GPR132: variants seen among roughly 807,000 people sequenced by gnomAD.
GPR132 encodes G protein-coupled receptor 132.
Under a neutral mutation model 1.9 loss-of-function variants are expected in GPR132, and 4 were observed. The ratio of observed to expected loss-of-function variants is 2.13; its 90% CI spans 1.05 to 4.87. GPR132 has a LOEUF of 4.87. Among genes scored for constraint, GPR132 ranks in the 30% most tolerant of loss-of-function variants. GPR132 has a pLI of 0.01. For synonymous variants in GPR132, 233 were observed against 234.2 expected (o/e 0.99, Z 0.05); for missense variants, 404 against 512.5 (o/e 0.79, Z 2.04).
rs1886609782 is a variant in GPR132 at position 105,050,705 on chromosome 14, C to A, written c.*289G>T. On this transcript the variant is annotated 3_prime_UTR_variant, in exon 4 of 4. Transcript: ENST00000329797. This position sits in a 1 kb window ranked among gnomAD's most constrained non-coding sequence, Gnocchi z 4.0. Reference sequence around the variant, plus strand: ...AGCAGGCGTGCTACCTGCCCACAGCCAAGGGAGCCAGCCAGGCAGGCTGCT... The same window carrying A: ...AGCAGGCGTGCTACCTGCCCACAGCAAAGGGAGCCAGCCAGGCAGGCTGCT... 4.1e-6 allele frequency: 2 copies of A among 491,036 alleles called. No homozygotes were observed. The highest frequency in any genetic ancestry group is 3.8e-5 in the African/African-American group (2 of 52,166). 30.4% of individuals were successfully genotyped at this position (491,036 alleles called of 1,614,324 possible).
rs1476596177 is a variant in GPR132 at position 105,060,064 on chromosome 14, T to C, written c.-860-2784A>G. On this transcript the variant is annotated intron_variant, in intron 1 of 3. Transcript: ENST00000329797. The surrounding 1 kb of genome is among the most constrained non-coding windows in gnomAD (Gnocchi z 6.3). ...CCACCCTGCCACTGGCTGGAGTAAG[T>C]ATGCACTGCTCCCTGCATCTCGGGC... Among the ~76,000 whole-genome samples, 1 of 152,202 alleles carries C rather than the reference T, an allele frequency of 6.6e-6. No homozygotes were observed. The highest frequency in any genetic ancestry group is 1.5e-5 in the Non-Finnish European group (1 of 68,024).
In GPR132 at chr14:105,059,705, C is replaced by T. The variant is rs1235859587; in HGVS notation, c.-860-2425G>A. Among the ~76,000 whole-genome samples the T allele has an allele frequency of 1.3e-5, 2 of 152,150 alleles. No homozygotes were observed. The highest frequency in any genetic ancestry group is 2.9e-5 in the Non-Finnish European group (2 of 68,026). On this transcript the variant is annotated intron_variant, in intron 1 of 3. Transcript: ENST00000329797. This position sits in a 1 kb window ranked among gnomAD's most constrained non-coding sequence, Gnocchi z 4.2. ...TCTTGTCTCCCTAAAATGCATGAAACCAGGCTGCGCCCGACCACCCTGGGC... is the reference window on the plus strand; with the variant it reads ...TCTTGTCTCCCTAAAATGCATGAAATCAGGCTGCGCCCGACCACCCTGGGC...
chr14:105,053,186 C>T (rs1322880926), intron 3 of GPR132, among the ~76,000 whole-genome samples: 1 of 134,580 alleles, frequency 7.4e-6, no homozygotes, highest in African/African-American at 2.8e-5. Context: ...TGGAGTCTCT[C>T]CCTCTGCTCT....
Position 105,056,742 on chromosome 14 carries a change from C to A in GPR132, c.-747+425G>T, listed in dbSNP as rs2140932232. On this transcript the variant is annotated intron_variant, in intron 2 of 3. Coordinates refer to ENST00000329797, the MANE Select transcript of GPR132 (RefSeq NM_013345.4). This position sits in a 1 kb window ranked among gnomAD's most constrained non-coding sequence, Gnocchi z 6.0. ...TGGTGAGGAGGCTGTCCCCCGCTCCCCCGCCTCCTGCCACAAGTGACCTCC... is the reference window on the plus strand; with the variant it reads ...TGGTGAGGAGGCTGTCCCCCGCTCCACCGCCTCCTGCCACAAGTGACCTCC... Among the ~76,000 whole-genome samples the A allele has an allele frequency of 6.6e-6, 1 of 152,376 alleles. No individual in the cohort carries two copies. The highest frequency in any genetic ancestry group is 1.5e-5 in the Non-Finnish European group (1 of 68,028).
chr14:105,060,896 G>A lies in GPR132; in HGVS notation c.-860-3616C>T, dbSNP rs188258439. ...CACGCTCCCCTCCCGGGCCCCAGCC[G>A]CAGGCAGAGGCTCACAGCGAGGCCC... On this transcript the variant is annotated intron_variant, in intron 1 of 3. Coordinates refer to ENST00000329797, the MANE Select transcript of GPR132 (RefSeq NM_013345.4). This position sits in a 1 kb window ranked among gnomAD's most constrained non-coding sequence, Gnocchi z 6.3. Among the ~76,000 whole-genome samples the A allele has an allele frequency of 4.6e-5, 7 of 152,366 alleles. No individual in the cohort carries two copies. Among genetic ancestry groups the A allele is most frequent in the Non-Finnish European group, 8.8e-5 (6 of 68,038 alleles).
intron 3 of GPR132, among the ~76,000 whole-genome samples, chr14:105,052,709 C>A (rs1886683593): frequency 6.6e-6 from 1 of 151,072 alleles, no homozygotes. Flanking sequence ...GTAATCCCAG[C>A]ATTTTGGGAG....
At chr14:105,053,793 T>C (rs1204814536) in intron 3 of GPR132, 2 of 343,292 alleles carry the variant, frequency 5.8e-6, no homozygotes, top group African/African-American at 4.5e-5. Flanking sequence ...GGTTGCAAGT[T>C]GAATGAAGGT....
At chr14:105,064,059 G>A (rs763688881) in intron 1 of GPR132, among the ~76,000 whole-genome samples, 60 of 151,742 alleles carry the variant, frequency 4.0e-4, no homozygotes, top group Non-Finnish European at 6.9e-4. Context: ...CGCTGGTCTC[G>A]AACTCCTGAC....
intron 1 of GPR132, among the ~76,000 whole-genome samples, chr14:105,058,806 C>T (rs1266095971): frequency 6.6e-6 from 1 of 152,238 alleles, no homozygotes; most frequent in African/African-American, 2.4e-5. Context: ...CCTCTGCTTC[C>T]TTCCCTAACC....
At position 105,051,976 on chromosome 14, in the gene GPR132, G is replaced by A. The variant is rs753534917; in HGVS notation, c.161C>T (p.Thr54Met). 15 of 1,613,312 alleles carry A rather than the reference G, an allele frequency of 9.3e-6. 1 individual carries two copies. Among genetic ancestry groups the A allele is most frequent in the Middle Eastern group, 3.3e-4 (2 of 6,062 alleles). ...VLVVVYSAVC[T>M]LGVPANCLTA... ...CAGGCAGTTGGCCGGCACCCCCAGC[G>A]TGCACACCGCGCTGTACACCACGAC... The change falls in exon 4 of 4, where the codon ACG becomes ATG. Residue 54 changes from threonine (T) to methionine (M), a missense_variant. Coordinates refer to ENST00000329797, the MANE Select transcript of GPR132 (RefSeq NM_013345.4). This position sits in a 1 kb window ranked among gnomAD's most constrained non-coding sequence, Gnocchi z 8.0.
intron 3 of GPR132, among the ~76,000 whole-genome samples, chr14:105,053,648 T>C (rs558583964): frequency 1.1e-4 from 17 of 151,938 alleles, no homozygotes; most frequent in Non-Finnish European, 2.4e-4. Flanking sequence ...CTTGGTGAAT[T>C]GATCCTCTTA....
Position 105,055,246 on chromosome 14 carries a change from G to C in GPR132, c.34+141C>G. On this transcript the variant is annotated intron_variant, in intron 3 of 3. Transcript: ENST00000329797. The surrounding 1 kb of genome is among the most constrained non-coding windows in gnomAD (Gnocchi z 4.7). The stretch of plus-strand genomic sequence containing the variant: ...GGAGGCTGATGCAGGAGAATCCCTT[G>C]AACCTGGGAGGCAGAAGCTGCAGTG... The C allele has an allele frequency of 1.4e-6, 1 of 731,304 alleles. No homozygotes were observed. Among genetic ancestry groups the C allele is most frequent in the Non-Finnish European group, 2.6e-6 (1 of 388,858 alleles). The allele number at this position is 731,304 out of a possible 1,614,324, so 45.3% of individuals were successfully genotyped here. A position where few individuals can be genotyped will look rare whatever the true frequency, so the allele number is the denominator to read the frequency against.
At chr14:105,054,104 A>G in intron 3 of GPR132, 2 of 1,288,200 alleles carry the variant, frequency 1.6e-6, no homozygotes, top group South Asian at 2.5e-5. Flanking sequence ...TTCTGTGGTT[A>G]CAGATCATGG....
chr14:105,057,015 G>A (rs1401376728), intron 2 of GPR132, among the ~76,000 whole-genome samples, 152 bp downstream of exon 2: 1 of 152,202 alleles, frequency 6.6e-6, no homozygotes, highest in Non-Finnish European at 1.5e-5. Flanking sequence ...ATTTCTCCAT[G>A]TAGCACCTCT....
In GPR132 at chr14:105,056,203, C is replaced by T. The variant is rs1886788732; in HGVS notation, c.-746-37G>A. On this transcript the variant is annotated intron_variant, in intron 2 of 3. Coordinates refer to ENST00000329797, the MANE Select transcript of GPR132 (RefSeq NM_013345.4). The surrounding 1 kb of genome is among the most constrained non-coding windows in gnomAD (Gnocchi z 6.0). The stretch of plus-strand genomic sequence containing the variant: ...GAGAGAGTGGGTGTGACTGGGCTGC[C>T]TCACACTCAGTTGTCACCACTTCGC... The T allele has an allele frequency of 3.1e-6, 3 of 982,862 alleles. No homozygotes were observed. The highest frequency in any genetic ancestry group is 3.5e-5 in the African/African-American group (2 of 57,152). The allele number at this position is 982,862 out of a possible 1,614,324, so 60.9% of individuals were successfully genotyped here. A position where few individuals can be genotyped will look rare whatever the true frequency, so the allele number is the denominator to read the frequency against.
rs1020139599 is a variant in GPR132 at position 105,051,278 on chromosome 14, A to T, written c.859T>A (p.Tyr287Asn). 6.2e-7 allele frequency: 1 copy of T among 1,613,818 alleles called. No individual in the cohort carries two copies. Among genetic ancestry groups the T allele is most frequent in the African/African-American group, 1.3e-5 (1 of 74,932 alleles). The change falls in exon 4 of 4, where the codon TAC (tyrosine) becomes AAC (asparagine). Residue 287 changes from tyrosine to asparagine, a missense_variant. Physicochemically the swap from Tyr to Asn is moderately radical, Grantham distance 143 (BLOSUM62 -2). Coordinates refer to ENST00000329797, the MANE Select transcript of GPR132 (RefSeq NM_013345.4). The surrounding 1 kb of genome is among the most constrained non-coding windows in gnomAD (Gnocchi z 8.0). ...NAMCGLEERLYTASVVFLCLS... is the reference protein window; with the variant it reads ...NAMCGLEERLNTASVVFLCLS... The stretch of plus-strand genomic sequence containing the variant: ...CACAGAAACACCACAGAGGCTGTGT[A>T]CAGCCTTTCCTCCAAGCCGCACATG...
At chr14:105,057,511 CTT>C (rs11299805) in intron 1 of GPR132, 2,046 of 88,764 alleles carry the variant, frequency 0.023, 12 homozygotes, top group South Asian at 0.058. Context: ...ACATACGATT[CTT>C]TTTTTTTTTT....
intron 1 of GPR132, among the ~76,000 whole-genome samples, chr14:105,064,580 C>T (rs1887034357): frequency 6.6e-6 from 1 of 151,550 alleles, no homozygotes; most frequent in Non-Finnish European, 1.5e-5. Context: ...GTGATCCGCC[C>T]ACCTCGGCCT....
chr14:105,050,681 G>T lies in GPR132; in HGVS notation c.*313C>A. ...GGGCAGCCACCAGGTACCTCTGCCA[G>T]CAGGCGTGCTACCTGCCCACAGCCA... is the stretch of plus-strand genomic sequence containing the variant. On this transcript the variant is annotated 3_prime_UTR_variant, in exon 4 of 4. Transcript: ENST00000329797. The surrounding 1 kb of genome is among the most constrained non-coding windows in gnomAD (Gnocchi z 4.0). 2.3e-6 allele frequency: 1 copy of T among 444,318 alleles called. No homozygotes were observed. Among genetic ancestry groups the T allele is most frequent in the Non-Finnish European group, 4.1e-6 (1 of 244,918 alleles). The allele number at this position is 444,318 out of a possible 1,614,324, so 27.5% of individuals were successfully genotyped here. A position where few individuals can be genotyped will look rare whatever the true frequency, so the allele number is the denominator to read the frequency against.
Sources: gnomAD v4.1 joint callset for allele counts (sites outside exome capture counted in the v4.1 genomes callset) on GRCh38, gnomAD v4.1.1 for gene constraint, Gnocchi (gnomAD v3.1) non-coding constraint, MANE v1.5 for transcripts, NCBI Gene and HGNC (gene_info 2026-07-23, HGNC 2026-07-21) for gene names.